The following EPHA6 variants were observed in gnomAD, a reference collection of about 807,000 sequenced individuals.
EPHA6 encodes the protein EPH receptor A6, also known as ephrin type-A receptor 6.
EPHA6 carries 50 observed loss-of-function variants against 112.0 expected under a neutral mutation model. The observed-to-expected ratio is 0.45, with a 90% CI of 0.36 to 0.56. The LOEUF is 0.56. Among genes scored for constraint, EPHA6 ranks in the 20% least tolerant of loss-of-function variants. The pLI is 0.00. For synonymous variants in EPHA6, 529 were observed against 490.7 expected (o/e 1.08, Z -1.03); for missense variants, 1,280 against 1,417.4 (o/e 0.90, Z 1.56).
chr3:97,459,932 T>C (rs1184569581), intron 7 of EPHA6, among the ~76,000 whole-genome samples: 1 of 152,242 alleles, frequency 6.6e-6, no homozygotes, highest in Non-Finnish European at 1.5e-5. Flanking sequence ...CAGTAAATTA[T>C]GACCTGCTCA....
intron 14 of EPHA6, among the ~76,000 whole-genome samples, chr3:97,716,202 G>T (rs1298034617): frequency 6.6e-6 from 1 of 152,184 alleles, no homozygotes; most frequent in Non-Finnish European, 1.5e-5. Flanking sequence ...TATGATTCAA[G>T]ATCATGGGCA....
chr3:97,079,567 A>G (rs2046650811), intron 3 of EPHA6, among the ~76,000 whole-genome samples: 1 of 151,486 alleles, frequency 6.6e-6, no homozygotes, highest in East Asian at 1.9e-4. Flanking sequence ...TTACCTGTTT[A>G]ACAATCGTGC....
chr3:97,398,176 G>C (rs189150412), intron 5 of EPHA6, among the ~76,000 whole-genome samples: 29 of 151,506 alleles, frequency 1.9e-4, no homozygotes, highest in Admixed American at 5.3e-4. Flanking sequence ...TGCTGACCTT[G>C]AGTGCTAAAT....
At chr3:97,375,526 AAATT>A (rs1441119970) in intron 5 of EPHA6, among the ~76,000 whole-genome samples, 2 of 152,182 alleles carry the variant, frequency 1.3e-5, no homozygotes, top group African/African-American at 4.8e-5. Flanking sequence ...TGCCACAGAC[AAATT>A]AATCAATTTT....
intron 3 of EPHA6, among the ~76,000 whole-genome samples, chr3:97,043,943 T>C (rs548431062): frequency 2.0e-4 from 30 of 152,252 alleles, no homozygotes; most frequent in African/African-American, 6.7e-4. Context: ...ATCCCAAATA[T>C]ATGCAGAACT....
intron 14 of EPHA6, among the ~76,000 whole-genome samples, chr3:97,714,006 G>T (rs189441160): frequency 6.6e-6 from 1 of 152,286 alleles, no homozygotes; most frequent in Admixed American, 6.5e-5. Context: ...GGCAAGACAA[G>T]GTCTAAATTA....
chr3:97,546,136 G>C (rs1464874719), intron 11 of EPHA6, among the ~76,000 whole-genome samples: 1 of 152,200 alleles, frequency 6.6e-6, no homozygotes, highest in Non-Finnish European at 1.5e-5. Flanking sequence ...TTGCTCATTA[G>C]TTGATGCAGT....
In EPHA6 at chr3:97,184,609, G is replaced by T. The variant is rs531554620; in HGVS notation, c.1115-41655G>T. Among the ~76,000 whole-genome samples the T allele has an allele frequency of 2.8e-4, 42 of 152,238 alleles. No individual in the cohort carries two copies. The East Asian group carries it at 7.0e-3, about 25-fold the overall frequency. ...AACATTCCATGCTCATGGGTAGGAA[G>T]AATCAATATCGTGAACATGGCCATA... is the stretch of plus-strand genomic sequence containing the variant. On this transcript the variant is annotated intron_variant, in intron 3 of 17. Transcript: ENST00000389672.
At chr3:96,932,088 G>A (rs958073709) in intron 2 of EPHA6, among the ~76,000 whole-genome samples, 7 of 152,154 alleles carry the variant, frequency 4.6e-5, no homozygotes, top group African/African-American at 1.7e-4. Flanking sequence ...GTCATTCACT[G>A]CCTCCCTTGG....
intron 11 of EPHA6, among the ~76,000 whole-genome samples, chr3:97,539,058 T>TTG (rs2092807411): frequency 1.4e-5 from 2 of 144,114 alleles, no homozygotes; most frequent in Admixed American, 7.0e-5. Context: ...TTTCTTTTTC[T>TTG]CTTTCTTCCC....
chr3:97,330,580 G>A (rs1310243771), intron 5 of EPHA6, among the ~76,000 whole-genome samples: 1 of 151,536 alleles, frequency 6.6e-6, no homozygotes, highest in Non-Finnish European at 1.5e-5. Context: ...CTTTGAAGCA[G>A]GCAGGGGTTG....
intron 11 of EPHA6, among the ~76,000 whole-genome samples, chr3:97,546,128 G>A (rs553505525): frequency 2.0e-5 from 3 of 152,264 alleles, no homozygotes; most frequent in Admixed American, 6.5e-5. Context: ...TGGTTATTTT[G>A]CTCATTAGTT....
chr3:97,581,016 C>A (rs1172759209), intron 11 of EPHA6, among the ~76,000 whole-genome samples: 1 of 152,156 alleles, frequency 6.6e-6, no homozygotes, highest in African/African-American at 2.4e-5. Context: ...GTCAGTCTCT[C>A]CCCTCATGGA....
chr3:97,153,793 A>C (rs1469199190), intron 3 of EPHA6, among the ~76,000 whole-genome samples: 1 of 152,180 alleles, frequency 6.6e-6, no homozygotes, highest in Non-Finnish European at 1.5e-5. Context: ...GCATGTGATC[A>C]AAATTAAACT....
chr3:97,635,515 T>A (rs2107549262), intron 13 of EPHA6, among the ~76,000 whole-genome samples: 1 of 152,238 alleles, frequency 6.6e-6, no homozygotes, highest in Non-Finnish European at 1.5e-5. Flanking sequence ...GGATGAACCT[T>A]GGAAACATAC....
At chr3:96,944,936 T>C (rs1433153749) in intron 2 of EPHA6, among the ~76,000 whole-genome samples, 1 of 152,176 alleles carries the variant, frequency 6.6e-6, no homozygotes, top group Non-Finnish European at 1.5e-5. Flanking sequence ...CGAGACTCTG[T>C]CTCAAAAACA....
intron 10 of EPHA6, among the ~76,000 whole-genome samples, chr3:97,502,458 C>A (rs148615483): frequency 6.6e-6 from 1 of 151,780 alleles, no homozygotes; most frequent in South Asian, 2.1e-4. Context: ...TGTGAGCCAC[C>A]GTGCCCGGGC....
intron 2 of EPHA6, among the ~76,000 whole-genome samples, chr3:96,921,302 A>G (rs2039749712): frequency 6.6e-6 from 1 of 152,060 alleles, no homozygotes; most frequent in Admixed American, 6.6e-5. Flanking sequence ...ATCCTTTTAT[A>G]TTTTTAATTA....
At chr3:97,555,614 C>A (rs1056327072) in intron 11 of EPHA6, among the ~76,000 whole-genome samples, 1 of 152,104 alleles carries the variant, frequency 6.6e-6, no homozygotes, top group Non-Finnish European at 1.5e-5. Flanking sequence ...TTAATGATTG[C>A]CATTCTAACT....
Sources: allele counts gnomAD v4.1 joint callset (sites outside exome capture counted in the v4.1 genomes callset), GRCh38; gene constraint gnomAD v4.1.1; transcripts MANE v1.5; gene names NCBI Gene and HGNC (gene_info 2026-07-23, HGNC 2026-07-21).